The following CTNNB1 variants were observed in gnomAD, a reference collection of about 807,000 sequenced individuals.
CTNNB1 encodes catenin beta 1, also known as catenin beta-1.
CTNNB1 carries 6 observed loss-of-function variants against 82.5 expected under a neutral mutation model. The observed-to-expected ratio is 0.07, with a 90% CI of 0.04 to 0.14. CTNNB1 has a LOEUF of 0.14. Among genes scored for constraint, CTNNB1 ranks in the 10% least tolerant of loss-of-function variants. The pLI, the probability that CTNNB1 is intolerant of heterozygous loss-of-function variation, is 1.00. For missense variants in CTNNB1, 529 were observed against 980.4 expected, an observed-to-expected ratio of 0.54 and a Z score of 6.15; for synonymous variants, 312 against 329.7, an observed-to-expected ratio of 0.95 and a Z score of 0.58.
chr3:41,215,841 C>G (rs948778102), intron 1 of CTNNB1, among the ~76,000 whole-genome samples: 2 of 152,102 alleles, frequency 1.3e-5, no homozygotes, highest in Non-Finnish European at 2.9e-5. Context: ...TACTGTCTAG[C>G]TAGGCATATA....
intron 1 of CTNNB1, among the ~76,000 whole-genome samples, chr3:41,220,263 G>T (rs2078013985): frequency 6.6e-6 from 1 of 151,320 alleles, no homozygotes; most frequent in Admixed American, 6.6e-5. Context: ...AACCATTTGT[G>T]TACCTATTTA....
intron 1 of CTNNB1, chr3:41,211,045 G>C (rs1201808515): frequency 2.2e-6 from 1 of 456,448 alleles, no homozygotes; most frequent in Non-Finnish European, 4.4e-6. Flanking sequence ...CTCCCACTTT[G>C]GCCTCACAAA....
chr3:41,227,808 G>C (rs987148757), intron 7 of CTNNB1, among the ~76,000 whole-genome samples: 3 of 152,112 alleles, frequency 2.0e-5, no homozygotes, highest in African/African-American at 7.2e-5. Flanking sequence ...CAGGGGTTTC[G>C]TGTGCAGATT....
intron 13 of CTNNB1, 141 bp downstream of exon 13, chr3:41,236,850 A>C (rs997339234): frequency 3.8e-5 from 40 of 1,063,404 alleles, no homozygotes; most frequent in African/African-American, 2.6e-4. Flanking sequence ...TATGCTGTCT[A>C]GCAACTGCTC....
Position 41,233,720 on chromosome 3 carries a change from C to T in CTNNB1, c.1377C>T (p.Asp459=), listed in dbSNP as rs2125639939. The T allele has an allele frequency of 6.2e-7, 1 of 1,614,082 alleles. No homozygotes were observed. The highest frequency in any genetic ancestry group is 8.5e-7 in the Non-Finnish European group (1 of 1,180,008). Residue 459 remains aspartate, a synonymous_variant, in exon 9 of 15, where the codon GAC becomes GAT. Coordinates refer to ENST00000349496, the MANE Select transcript of CTNNB1 (RefSeq NM_001904.4). Reference sequence around the variant, plus strand: ...TCCTTCGGGCTGGTGACAGGGAAGACATCACTGAGCCTGCCATCTGTGCTC... The same window carrying T: ...TCCTTCGGGCTGGTGACAGGGAAGATATCACTGAGCCTGCCATCTGTGCTC... ...RTVLRAGDRE[D]ITEPAICALR...
chr3:41,205,511 G>A lies in CTNNB1; in HGVS notation c.-49+5841G>A, dbSNP rs546825649. Among the ~76,000 whole-genome samples, 14 of 152,096 alleles carry A rather than the reference G, an allele frequency of 9.2e-5. No individual in the cohort carries two copies. In the South Asian group the frequency reaches 2.5e-3, roughly 27 times the overall value. Reference sequence around the variant, plus strand: ...GGAGTTCGAGACTAGCCTGGCCGACGTGGTGAATACAAAAATTAGCCAGGC... The same window carrying A: ...GGAGTTCGAGACTAGCCTGGCCGACATGGTGAATACAAAAATTAGCCAGGC... On this transcript the variant is annotated intron_variant, in intron 1 of 14. Transcript: ENST00000349496.
chr3:41,235,592 T>G (rs944348015), intron 10 of CTNNB1, 132 bp from the exon 11 acceptor site: 4 of 1,212,464 alleles, frequency 3.3e-6, no homozygotes, highest in Non-Finnish European at 4.8e-6. Flanking sequence ...ATGGAATCCT[T>G]CTTCCTTCCT....
At chr3:41,215,409 C>G (rs1445922679) in intron 1 of CTNNB1, among the ~76,000 whole-genome samples, 1 of 144,068 alleles carries the variant, frequency 6.9e-6, no homozygotes, top group Non-Finnish European at 1.5e-5. Context: ...AAAAAACACT[C>G]TTAGGTTATA....
At chr3:41,211,166 C>T in intron 1 of CTNNB1, 1 of 442,198 alleles carries the variant, frequency 2.3e-6, no homozygotes, top group South Asian at 1.6e-5. Context: ...CCACAAACAC[C>T]ATGAGTAGAA....
intron 7 of CTNNB1, among the ~76,000 whole-genome samples, chr3:41,229,074 G>A (rs2125631260): frequency 6.6e-6 from 1 of 152,106 alleles, no homozygotes; most frequent in Middle Eastern, 3.4e-3. Flanking sequence ...GTGTCTGTTT[G>A]TATACCAGTA....
chr3:41,206,408 T>C (rs1326934545), intron 1 of CTNNB1, among the ~76,000 whole-genome samples: 1 of 152,116 alleles, frequency 6.6e-6, no homozygotes, highest in Non-Finnish European at 1.5e-5. Context: ...GAAATAGATA[T>C]ATGCATATAT....
intron 1 of CTNNB1, among the ~76,000 whole-genome samples, chr3:41,213,224 T>G (rs955519973): frequency 3.3e-5 from 5 of 152,230 alleles, no homozygotes; most frequent in African/African-American, 1.2e-4. Flanking sequence ...GATGATCATG[T>G]TCTTTAATGA....
chr3:41,236,799 TC>T (rs2078447942), intron 13 of CTNNB1, 90 bp downstream of exon 13: 1 of 1,528,236 alleles, frequency 6.5e-7, no homozygotes, highest in African/African-American at 1.4e-5. Flanking sequence ...TAGTACACAT[TC>T]ATTTGCATTG....
intron 10 of CTNNB1, chr3:41,235,450 G>A (rs1011129092): frequency 1.1e-4 from 57 of 502,322 alleles, no homozygotes; most frequent in Non-Finnish European, 7.2e-6. Flanking sequence ...AGAATGATTG[G>A]TGCCCTTACT....
chr3:41,204,944 T>C (rs2077615305), intron 1 of CTNNB1, among the ~76,000 whole-genome samples: 1 of 152,214 alleles, frequency 6.6e-6, no homozygotes, highest in South Asian at 2.1e-4. Flanking sequence ...ATTAGGAGCT[T>C]AAAAGCAAGA....
intron 7 of CTNNB1, 131 bp from the exon 8 acceptor site, chr3:41,233,210 C>T (rs917612048): frequency 5.0e-6 from 4 of 794,234 alleles, no homozygotes; most frequent in Non-Finnish European, 8.5e-6. Flanking sequence ...GAGAGGAAAT[C>T]AAATACTTAG....
In CTNNB1 at chr3:41,236,699, C is replaced by A. The variant is rs2078444931; in HGVS notation, c.2066C>A (p.Ala689Asp). 1 of 1,614,132 alleles carries A rather than the reference C, an allele frequency of 6.2e-7. No individual in the cohort carries two copies. The highest frequency in any genetic ancestry group is 8.5e-7 in the Non-Finnish European group (1 of 1,179,984). ...TCTCTCTTCAGAACAGAGCCAATGG[C>A]TTGGAATGAGGTAGGGAAATGTGAG... ...TSSLFRTEPMAWNETADLGLD... is the reference protein window; with the variant it reads ...TSSLFRTEPMDWNETADLGLD... The change falls in exon 13 of 15, where the codon GCT becomes GAT. Residue 689 changes from alanine to aspartate, a missense_variant. Ala to Asp is a moderately radical substitution (Grantham distance 126). Around this residue, in one of 4 missense-constraint regions of CTNNB1, gnomAD observed 102 missense variants for 130.8 expected, o/e 0.78. Coordinates refer to ENST00000349496, the MANE Select transcript of CTNNB1 (RefSeq NM_001904.4).
Position 41,235,808 on chromosome 3 carries a change from A to G in CTNNB1, c.1768A>G (p.Ile590Val), listed in dbSNP as rs2078421904. The G allele has an allele frequency of 2.5e-6, 4 of 1,614,142 alleles. No homozygotes were observed. The highest frequency in any genetic ancestry group is 3.4e-6 in the Non-Finnish European group (4 of 1,179,968). ...TCGGGATGTTCACAACCGAATTGTT[A>G]TCAGAGGACTAAATACCATTCCATT... ...LARDVHNRIV[I>V]RGLNTIPLFV... The change falls in exon 11 of 15, where the codon ATC becomes GTC. Residue 590 changes from isoleucine to valine, a missense_variant. Around this residue, in one of 4 missense-constraint regions of CTNNB1, gnomAD observed 411 missense variants for 776.4 expected, o/e 0.53. Coordinates refer to ENST00000349496, the MANE Select transcript of CTNNB1 (RefSeq NM_001904.4).
At chr3:41,213,174 A>G (rs1010278578) in intron 1 of CTNNB1, among the ~76,000 whole-genome samples, 1 of 152,202 alleles carries the variant, frequency 6.6e-6, no homozygotes, top group Non-Finnish European at 1.5e-5. Flanking sequence ...CTTTTCCTCT[A>G]TAATCAAACT....
Sources: allele counts gnomAD v4.1 joint callset (sites outside exome capture counted in the v4.1 genomes callset), GRCh38; gene constraint gnomAD v4.1.1; regional missense constraint gnomAD v4.1.1; transcripts MANE v1.5; gene names NCBI Gene and HGNC (gene_info 2026-07-23, HGNC 2026-07-21).